TACC1: variants seen among roughly 807,000 people sequenced by gnomAD.
TACC1 encodes transforming acidic coiled-coil-containing protein 1.
TACC1 carries 48 observed loss-of-function variants against 84.4 expected under a neutral mutation model. The observed-to-expected ratio is 0.57, with a 90% CI of 0.45 to 0.72. The LOEUF is 0.72. Among genes scored for constraint, TACC1 ranks in the 30% least tolerant of loss-of-function variants. The probability of loss-of-function intolerance (pLI) is 0.00; values close to 1 mark genes in which losing one functional copy is unlikely to be tolerated. For synonymous variants in TACC1, 372 were observed against 376.3 expected (o/e 0.99, Z 0.13); for missense variants, 920 against 973.0 (o/e 0.95, Z 0.72).
chr8:38,836,988 G>A (rs955289257), intron 7 of TACC1, among the ~76,000 whole-genome samples: 12 of 151,854 alleles, frequency 7.9e-5, no homozygotes, highest in Non-Finnish European at 1.6e-4. Flanking sequence ...AAGTGGTTAA[G>A]CACCTCAGCT....
At chr8:38,847,441 A>G (rs16887800) in intron 12 of TACC1, among the ~76,000 whole-genome samples, 3,610 of 152,286 alleles carry the variant, frequency 0.024, 130 homozygotes, top group African/African-American at 0.075. Flanking sequence ...TCACTAAGCA[A>G]TTTTTAGCTT....
At position 38,827,269 on chromosome 8, in the gene TACC1, A is replaced by G; in HGVS notation, c.1554A>G (p.Ser518=). The G allele has an allele frequency of 6.2e-7, 1 of 1,614,230 alleles. No homozygotes were observed. The highest frequency in any genetic ancestry group is 2.2e-5 in the East Asian group (1 of 44,890). ...CATCCACGTCATGTGGTCAGAAATC[A>G]GCTGGTGCCGAGGTGAAAGGTGAGC... ...KLASTSCGQK[S]AGAEVKGEPE... The change falls in exon 5 of 13, where the codon TCA becomes TCG. Residue 518 remains serine (S), a synonymous_variant. Coordinates refer to ENST00000317827, the MANE Select transcript of TACC1 (RefSeq NM_006283.3).
chr8:38,752,458 G>A (rs936088265), intron 3 of TACC1, among the ~76,000 whole-genome samples: 2 of 152,076 alleles, frequency 1.3e-5, no homozygotes, highest in Non-Finnish European at 2.9e-5. Context: ...GCGACAGAGC[G>A]AGACTCTGTC....
chr8:38,770,199 A>G (rs1813300122), intron 3 of TACC1, among the ~76,000 whole-genome samples: 1 of 151,992 alleles, frequency 6.6e-6, no homozygotes, highest in African/African-American at 2.4e-5. Context: ...CTGCTGAGCT[A>G]AGAGCCCTCT....
chr8:38,733,420 C>T (rs1447581330), intron 1 of TACC1, among the ~76,000 whole-genome samples: 2 of 151,972 alleles, frequency 1.3e-5, no homozygotes, highest in African/African-American at 4.8e-5. Flanking sequence ...GACTTTTAGG[C>T]TTCAGTGTGA....
intron 3 of TACC1, among the ~76,000 whole-genome samples, chr8:38,755,528 C>T (rs1255381774): frequency 6.6e-6 from 1 of 151,622 alleles, no homozygotes; most frequent in African/African-American, 2.4e-5. Context: ...CATAGTGAGA[C>T]CCCATCTCTA....
chr8:38,731,415 C>A (rs1804900118), intron 1 of TACC1, among the ~76,000 whole-genome samples: 1 of 152,180 alleles, frequency 6.6e-6, no homozygotes, highest in South Asian at 2.1e-4. Context: ...GTACCTATTT[C>A]ACAAAGATAT....
At chr8:38,787,172 G>A (rs1300918193), upstream of TACC1, 4 of 985,142 alleles carry the variant, frequency 4.1e-6, no homozygotes, top group East Asian at 2.3e-4. Context: ...TACGGTCCGA[G>A]GGGGCGGCTT....
At chr8:38,750,474 C>T (rs1457356870) in intron 3 of TACC1, among the ~76,000 whole-genome samples, 1 of 151,862 alleles carries the variant, frequency 6.6e-6, no homozygotes, top group Non-Finnish European at 1.5e-5. Context: ...GTCAGTGCAA[C>T]AAAGCAAGGG....
Position 38,787,421 on chromosome 8 carries a change from C to T in TACC1, c.-162C>T. On this transcript the variant is annotated 5_prime_UTR_variant, in exon 1 of 13. Transcript: ENST00000317827. ...AGCGCCGGCTGCCGGCGGGAGGAAG[C>T]GCTCCACCAGGGCCCCCGACGGCAC... 7.4e-7 allele frequency: 1 copy of T among 1,348,022 alleles called. No individual in the cohort carries two copies. Among genetic ancestry groups the T allele is most frequent in the Non-Finnish European group, 9.5e-7 (1 of 1,055,822 alleles). The allele number at this position is 1,348,022 out of a possible 1,614,324, so 83.5% of individuals were successfully genotyped here. A position where few individuals can be genotyped will look rare whatever the true frequency, so the allele number is the denominator to read the frequency against.
intron 1 of TACC1, among the ~76,000 whole-genome samples, chr8:38,738,815 A>T (rs1220744256): frequency 6.6e-6 from 1 of 151,968 alleles, no homozygotes; most frequent in African/African-American, 2.4e-5. Context: ...TTGGTGCTAG[A>T]TGTGCTTGTT....
At chr8:38,827,669 G>T in intron 5 of TACC1, 2 of 388,560 alleles carry the variant, frequency 5.1e-6, no homozygotes, top group South Asian at 2.8e-5. Flanking sequence ...AAAGTATAGT[G>T]GTGTGTTAGT....
intron 3 of TACC1, among the ~76,000 whole-genome samples, chr8:38,757,941 G>T (rs1436726727): frequency 6.6e-6 from 1 of 152,138 alleles, no homozygotes; most frequent in East Asian, 1.9e-4. Context: ...CAGCAATTAG[G>T]CTTTTGTTCT....
At chr8:38,747,115 A>G (rs1241067477) in intron 3 of TACC1, among the ~76,000 whole-genome samples, 1 of 152,232 alleles carries the variant, frequency 6.6e-6, no homozygotes, top group African/African-American at 2.4e-5. Context: ...TTAATAGTAT[A>G]TGTTATTAGG....
intron 1 of TACC1, among the ~76,000 whole-genome samples, chr8:38,730,682 A>G (rs574397308): frequency 6.6e-6 from 1 of 152,310 alleles, no homozygotes; most frequent in South Asian, 2.1e-4. Context: ...TACTGCCTTG[A>G]ATATTTTTGC....
chr8:38,810,682 A>G (rs1192272908), intron 2 of TACC1, among the ~76,000 whole-genome samples: 5 of 152,226 alleles, frequency 3.3e-5, no homozygotes, highest in Non-Finnish European at 5.9e-5. Flanking sequence ...TGTAGAATGG[A>G]TATCACTTAT....
At chr8:38,798,639 GTA>G (rs1380805007) in intron 2 of TACC1, among the ~76,000 whole-genome samples, 6 of 149,026 alleles carry the variant, frequency 4.0e-5, no homozygotes, top group African/African-American at 4.9e-5. Flanking sequence ...GTGTGTGTGT[GTA>G]TGTGTATTTT....
intron 3 of TACC1, among the ~76,000 whole-genome samples, chr8:38,773,589 GCTATCTATCTAT>G (rs140309980): frequency 7.6e-5 from 11 of 144,722 alleles, no homozygotes; most frequent in African/African-American, 3.0e-4. Flanking sequence ...TATCTATCTA[GCTATCTATCTAT>G]CTAGCTATCT....
chr8:38,824,851 T>C (rs1827672454), intron 3 of TACC1: 1 of 157,772 alleles, frequency 6.3e-6, no homozygotes, highest in Non-Finnish European at 1.4e-5. Flanking sequence ...TGGAACTGTT[T>C]TATGAGACGT....
Sources: allele counts gnomAD v4.1 joint callset (sites outside exome capture counted in the v4.1 genomes callset), GRCh38; gene constraint gnomAD v4.1.1; transcripts MANE v1.5; gene names NCBI Gene and HGNC (gene_info 2026-07-23, HGNC 2026-07-21).